The following GRIA4 variants were observed in gnomAD, a reference collection of about 807,000 sequenced individuals.
GRIA4 encodes glutamate receptor 4.
In GRIA4, 34 loss-of-function variants were observed where a neutral mutation model predicts 104.0. The ratio of observed to expected loss-of-function variants is 0.33; its 90% CI spans 0.25 to 0.44. The LOEUF is 0.44. GRIA4 is among the 20% of genes least tolerant of loss of function. The pLI is 1.00. For missense variants in GRIA4, 750 were observed against 1,096.5 expected (o/e 0.68, Z 4.46); for synonymous variants, 386 against 381.9 (o/e 1.01, Z -0.13).
rs1443302088 is a variant in GRIA4 at position 105,926,928 on chromosome 11, G to T, written c.2035G>T (p.Glu679Ter). The change falls in exon 13 of 17, where the codon GAA becomes TAA. Residue 679 changes from glutamate (E) to a stop codon, truncating the protein, a stop_gained. Transcript: ENST00000282499. LOFTEE classifies it high-confidence loss of function. Reference sequence around the variant, plus strand: ...AACACTGGATTCAGGATCAACAAAAGAATTCTTCAGAGTAAGTTAAGGGAA... The same window carrying T: ...AACACTGGATTCAGGATCAACAAAATAATTCTTCAGAGTAAGTTAAGGGAA... ...YGTLDSGSTK[E>*]FFRRSKIAVY... 1 of 1,605,918 alleles carries T rather than the reference G, an allele frequency of 6.2e-7. No homozygotes were observed. The highest frequency in any genetic ancestry group is 1.7e-5 in the Admixed American group (1 of 59,758).
intron 3 of GRIA4, among the ~76,000 whole-genome samples, chr11:105,726,470 G>A (rs1053285977): frequency 2.0e-5 from 3 of 152,156 alleles, no homozygotes; most frequent in African/African-American, 7.2e-5. Context: ...TGCACCTTCA[G>A]CAAACTTAAA....
chr11:105,821,822 C>CCA (rs1485569793), intron 4 of GRIA4, among the ~76,000 whole-genome samples: 1 of 151,924 alleles, frequency 6.6e-6, no homozygotes, highest in African/African-American at 2.4e-5. Context: ...TTCTTAATAC[C>CCA]CACACACACT....
intron 3 of GRIA4, among the ~76,000 whole-genome samples, chr11:105,689,771 G>A (rs371560618): frequency 4.0e-4 from 61 of 152,214 alleles, no homozygotes; most frequent in South Asian, 2.3e-3. Flanking sequence ...CTTAGTATCC[G>A]CAAGGCATGT....
Position 105,836,319 on chromosome 11 carries a change from G to A in GRIA4, c.488-25705G>A, listed in dbSNP as rs565995915. Among the ~76,000 whole-genome samples the A allele has an allele frequency of 2.4e-4, 37 of 152,196 alleles. No homozygotes were observed. The South Asian group carries it at 4.4e-3, about 18-fold the overall frequency. On this transcript the variant is annotated intron_variant, in intron 4 of 16. Coordinates refer to ENST00000282499, the MANE Select transcript of GRIA4 (RefSeq NM_000829.4). Reference sequence around the variant, plus strand: ...AGGAGGGAAATAATATTGGCACCACGTAATTTAATTTCAATGTGAAGGCTA... The same window carrying A: ...AGGAGGGAAATAATATTGGCACCACATAATTTAATTTCAATGTGAAGGCTA...
chr11:105,912,481 A>C, intron 10 of GRIA4: 1 of 907,304 alleles, frequency 1.1e-6, no homozygotes, highest in Non-Finnish European at 1.3e-6. Context: ...TGCTATCAAA[A>C]AAAAAAAGAC....
At position 105,896,261 on chromosome 11, in the gene GRIA4, T is replaced by C. The variant is rs565638405; in HGVS notation, c.727-2008T>C. Among the ~76,000 whole-genome samples the C allele has an allele frequency of 5.9e-5, 9 of 152,302 alleles. No homozygotes were observed. The East Asian group carries it at 1.7e-3, about 29-fold the overall frequency. On this transcript the variant is annotated intron_variant, in intron 6 of 16. Coordinates refer to ENST00000282499, the MANE Select transcript of GRIA4 (RefSeq NM_000829.4). ...GTATCTGTTCATGTCCTTTGCTCTT[T>C]TTTAAATGGGGTTATTTGGTTTTTA...
chr11:105,808,673 G>A (rs1943051503), intron 4 of GRIA4, among the ~76,000 whole-genome samples: 1 of 151,992 alleles, frequency 6.6e-6, no homozygotes, highest in African/African-American at 2.4e-5. Flanking sequence ...ATATATTTAA[G>A]TCCATCTTCT....
chr11:105,746,184 A>T (rs1939647767), intron 3 of GRIA4, among the ~76,000 whole-genome samples: 1 of 152,038 alleles, frequency 6.6e-6, no homozygotes, highest in South Asian at 2.1e-4. Context: ...ATATTATTAC[A>T]ATATCCTAGT....
At chr11:105,702,057 C>T (rs1953515495) in intron 3 of GRIA4, among the ~76,000 whole-genome samples, 1 of 152,066 alleles carries the variant, frequency 6.6e-6, no homozygotes, top group Admixed American at 6.6e-5. Flanking sequence ...GCCGCAGCCT[C>T]CCAAGTAGCT....
intron 5 of GRIA4, among the ~76,000 whole-genome samples, chr11:105,872,513 T>C (rs926271323): frequency 6.6e-6 from 1 of 152,092 alleles, no homozygotes; most frequent in South Asian, 2.1e-4. Flanking sequence ...AATTCCACAG[T>C]TGAACAATTT....
intron 4 of GRIA4, among the ~76,000 whole-genome samples, chr11:105,827,413 AT>A (rs1016116907): frequency 2.0e-5 from 3 of 152,042 alleles, no homozygotes; most frequent in African/African-American, 7.2e-5. Flanking sequence ...AAAACAGTAA[AT>A]TGAAGGAATA....
chr11:105,620,636 C>T (rs191426637), intron 3 of GRIA4, among the ~76,000 whole-genome samples: 4 of 151,910 alleles, frequency 2.6e-5, no homozygotes, highest in East Asian at 3.9e-4. Context: ...TGGTTTGTAA[C>T]GCAGCACAAA....
At chr11:105,644,203 G>C (rs981109717) in intron 3 of GRIA4, among the ~76,000 whole-genome samples, 3 of 152,134 alleles carry the variant, frequency 2.0e-5, no homozygotes, top group Admixed American at 6.6e-5. Context: ...GATTTTTTCG[G>C]AGAAAGTGAC....
chr11:105,876,192 A>T (rs1945814031), intron 5 of GRIA4, among the ~76,000 whole-genome samples: 1 of 152,154 alleles, frequency 6.6e-6, no homozygotes, highest in African/African-American at 2.4e-5. Flanking sequence ...ATTCAGGAGC[A>T]GGTTGTTCAG....
At chr11:105,900,559 ATCTTT>A (rs1490739535) in intron 7 of GRIA4, among the ~76,000 whole-genome samples, 1 of 152,002 alleles carries the variant, frequency 6.6e-6, no homozygotes, top group Non-Finnish European at 1.5e-5. Context: ...TCTCTATGAA[ATCTTT>A]TCTTTTTTCT....
At chr11:105,951,075 C>A (rs1195719512) in intron 14 of GRIA4, among the ~76,000 whole-genome samples, 3 of 152,088 alleles carry the variant, frequency 2.0e-5, no homozygotes, top group Admixed American at 6.6e-5. Context: ...CATTTTGATT[C>A]AAAAATTCTG....
intron 5 of GRIA4, among the ~76,000 whole-genome samples, chr11:105,883,673 T>C (rs1050679525): frequency 3.3e-5 from 5 of 152,142 alleles, no homozygotes; most frequent in African/African-American, 1.2e-4. Context: ...ATCCAATCTA[T>C]CATTGATGGA....
intron 14 of GRIA4, among the ~76,000 whole-genome samples, chr11:105,959,533 C>A (rs999981967): frequency 3.9e-5 from 6 of 152,106 alleles, no homozygotes; most frequent in African/African-American, 1.4e-4. Flanking sequence ...AGCTTCTTTG[C>A]ATTGGGTTAA....
intron 3 of GRIA4, among the ~76,000 whole-genome samples, chr11:105,640,727 T>A (rs1000686418): frequency 6.6e-6 from 1 of 152,028 alleles, no homozygotes; most frequent in Non-Finnish European, 1.5e-5. Flanking sequence ...GAAATTGCTT[T>A]CCAAATGGAC....
Sources: gnomAD v4.1 joint callset for allele counts (sites outside exome capture counted in the v4.1 genomes callset) on GRCh38, gnomAD v4.1.1 for gene constraint, MANE v1.5 for transcripts, NCBI Gene and HGNC (gene_info 2026-07-23, HGNC 2026-07-21) for gene names.